The following MEGF10 variants were observed in gnomAD, a reference collection of about 807,000 sequenced individuals.
MEGF10 encodes multiple EGF like domains 10.
A neutral mutation model predicts 147.5 loss-of-function variants in MEGF10; 86 were observed. The observed-to-expected ratio is 0.58, with a 90% CI of 0.49 to 0.70. MEGF10 has a LOEUF of 0.70. MEGF10 is among the 30% of genes least tolerant of loss of function. The pLI is 0.00. For missense variants in MEGF10, 1,329 were observed against 1,487.3 expected (o/e 0.89, Z 1.75); for synonymous variants, 478 against 525.5 (o/e 0.91, Z 1.24).
rs1204234147 is a variant in MEGF10, at chr5:127,310,035, CTTCT to C, written c.-19+18986_-19+18989del. ...CTTTCTTTTTTTCTTTCTTTCTTTC[CTTCT>C]TTCTTTATTTCTTTCTTTCTTTCTT... On this transcript the variant is annotated intron_variant, in intron 1 of 24. Transcript: ENST00000503335. Among the ~76,000 whole-genome samples, 5 of 22,898 alleles carry C rather than the reference CTTCT, an allele frequency of 2.2e-4. 1 individual carries two copies. The highest frequency in any genetic ancestry group is 6.1e-4 in the African/African-American group (5 of 8,164). 15.0% of individuals were successfully genotyped at this position (22,898 alleles called of 152,430 possible).
chr5:127,431,964 A>T (rs1368424368), intron 13 of MEGF10, among the ~76,000 whole-genome samples: 1 of 152,202 alleles, frequency 6.6e-6, no homozygotes, highest in Admixed American at 6.5e-5. Context: ...TGAAAAAAAA[A>T]TAATATATTT....
chr5:127,346,703 C>T (rs1241401948), intron 4 of MEGF10, among the ~76,000 whole-genome samples: 1 of 152,040 alleles, frequency 6.6e-6, no homozygotes, highest in African/African-American at 2.4e-5. Context: ...TGTGCAGAAG[C>T]TTTTTAGTTT....
chr5:127,235,093 G>A, the MEGF10 span, among the ~76,000 whole-genome samples: 27 of 152,220 alleles, frequency 1.8e-4, no homozygotes, highest in South Asian at 1.2e-3. Context: ...CAATCCACCC[G>A]CCTTGGCCTC....
the MEGF10 span, among the ~76,000 whole-genome samples, chr5:127,264,039 T>C: frequency 6.6e-6 from 1 of 152,156 alleles, no homozygotes; most frequent in East Asian, 1.9e-4. Context: ...ACTGATTCTC[T>C]TATGAAAGTA....
the MEGF10 span, among the ~76,000 whole-genome samples, chr5:127,233,648 C>CT: frequency 6.6e-6 from 1 of 152,192 alleles, no homozygotes; most frequent in Non-Finnish European, 1.5e-5. Context: ...TTATTATTCA[C>CT]TTTTTTTCCC....
the MEGF10 span, among the ~76,000 whole-genome samples, chr5:127,270,873 A>G: frequency 6.6e-6 from 1 of 152,196 alleles, no homozygotes; most frequent in Non-Finnish European, 1.5e-5. Flanking sequence ...CTCCAGCTCC[A>G]TCCAAGTCCC....
At chr5:127,400,856 C>T (rs1764101414) in intron 7 of MEGF10, among the ~76,000 whole-genome samples, 2 of 152,158 alleles carry the variant, frequency 1.3e-5, no homozygotes, top group South Asian at 4.1e-4. Flanking sequence ...TTCAAAAATG[C>T]TTCAGTTTGT....
At chr5:127,391,916 A>G (rs1233998301) in intron 5 of MEGF10, among the ~76,000 whole-genome samples, 2 of 152,036 alleles carry the variant, frequency 1.3e-5, no homozygotes, top group Non-Finnish European at 2.9e-5. Context: ...GTAATCCTAG[A>G]ACTTTGGGAG....
At chr5:127,252,845 C>T in the MEGF10 span, among the ~76,000 whole-genome samples, 1 of 151,840 alleles carries the variant, frequency 6.6e-6, no homozygotes. Flanking sequence ...GTTTTCTTGA[C>T]AAATGCTCTT....
At position 127,457,677 on chromosome 5, in the gene MEGF10, C is replaced by T. The variant is rs1053115116; in HGVS notation, c.*359C>T. On this transcript the variant is annotated 3_prime_UTR_variant, in exon 25 of 25. Coordinates refer to ENST00000503335, the MANE Select transcript of MEGF10 (RefSeq NM_001256545.2). ...TGAAAAATTAAAATTTGAATATTTT[C>T]TCTCTCATTTGCATCATACAGCTCT... The T allele has an allele frequency of 4.2e-6, 1 of 239,272 alleles. No individual in the cohort carries two copies. The highest frequency in any genetic ancestry group is 1.0e-4 in the East Asian group (1 of 9,954). 14.8% of individuals were successfully genotyped at this position (239,272 alleles called of 1,614,324 possible). A position where few individuals can be genotyped will look rare whatever the true frequency, so the allele number is the denominator to read the frequency against.
chr5:127,383,799 G>C (rs146395522), intron 5 of MEGF10, among the ~76,000 whole-genome samples: 1 of 152,242 alleles, frequency 6.6e-6, no homozygotes, highest in East Asian at 1.9e-4. Context: ...TCTGCTGTGG[G>C]TACATGAGCC....
At chr5:127,370,129 C>T (rs115315224) in intron 5 of MEGF10, 127 bp downstream of exon 5, 1 of 583,548 alleles carries the variant, frequency 1.7e-6, no homozygotes, top group Admixed American at 3.2e-5. Flanking sequence ...AATGCCACGA[C>T]CAACTCAGTC....
chr5:127,413,621 A>G (rs1424659398), intron 9 of MEGF10, among the ~76,000 whole-genome samples: 2 of 152,234 alleles, frequency 1.3e-5, no homozygotes, highest in Admixed American at 1.3e-4. Flanking sequence ...TTTCATATAC[A>G]CAAAGCAATC....
chr5:127,323,013 CATATATATGCATAT>C (rs1760852443), intron 1 of MEGF10, among the ~76,000 whole-genome samples: 2 of 151,722 alleles, frequency 1.3e-5, no homozygotes, highest in South Asian at 4.2e-4. Flanking sequence ...ATTGCATATA[CATATATATGCATAT>C]ATATATGTAT....
At chr5:127,264,576 T>C in the MEGF10 span, among the ~76,000 whole-genome samples, 1 of 152,130 alleles carries the variant, frequency 6.6e-6, no homozygotes, top group Non-Finnish European at 1.5e-5. Flanking sequence ...TGTGTCTTCG[T>C]TCTGCTTTTC....
chr5:127,413,378 A>G (rs1278610374), intron 9 of MEGF10, among the ~76,000 whole-genome samples: 1 of 152,216 alleles, frequency 6.6e-6, no homozygotes, highest in East Asian at 1.9e-4. Context: ...TTTAATAGCC[A>G]TGGACAATCC....
the MEGF10 span, among the ~76,000 whole-genome samples, chr5:127,240,515 T>C: frequency 6.6e-6 from 1 of 152,246 alleles, no homozygotes; most frequent in East Asian, 1.9e-4. Context: ...ATAGAATTCC[T>C]TTGTACTTAT....
chr5:127,345,218 T>A (rs1761838645), intron 4 of MEGF10, among the ~76,000 whole-genome samples: 1 of 152,152 alleles, frequency 6.6e-6, no homozygotes, highest in Non-Finnish European at 1.5e-5. Flanking sequence ...TTCTTGTATA[T>A]AGAGCATGAT....
chr5:127,260,768 T>C, the MEGF10 span, among the ~76,000 whole-genome samples: 1 of 151,788 alleles, frequency 6.6e-6, no homozygotes, highest in South Asian at 2.1e-4. Context: ...ACAAAGGGAG[T>C]TAAGTGACAA....
Sources: gnomAD v4.1 joint callset for allele counts (sites outside exome capture counted in the v4.1 genomes callset) on GRCh38, gnomAD v4.1.1 for gene constraint, MANE v1.5 for transcripts, NCBI Gene and HGNC (gene_info 2026-07-23, HGNC 2026-07-21) for gene names.